KDM3A: variants seen among roughly 807,000 people sequenced by gnomAD.
The protein encoded by KDM3A is lysine-specific demethylase 3A.
In KDM3A, 60 loss-of-function variants were observed where a neutral mutation model predicts 158.0. The observed-to-expected ratio is 0.38, with a 90% CI of 0.31 to 0.47. KDM3A has a LOEUF of 0.47. KDM3A is among the 20% of genes least tolerant of loss of function. KDM3A has a pLI of 0.99. For synonymous variants in KDM3A, 608 were observed against 549.3 expected (o/e 1.11, Z -1.49); for missense variants, 1,319 against 1,574.3 (o/e 0.84, Z 2.74).
At chr2:86,451,068 C>G in intron 3 of KDM3A, 35 bp from the exon 4 acceptor site, 2 of 1,353,234 alleles carry the variant, frequency 1.5e-6, no homozygotes, top group South Asian at 2.6e-5. Context: ...ATGCTGACAG[C>G]AGTTATGATG....
chr2:86,442,425 C>T, intron 2 of KDM3A, 192 bp downstream of exon 2: 2 of 570,784 alleles, frequency 3.5e-6, no homozygotes, highest in Non-Finnish European at 6.2e-6. Flanking sequence ...GCCCACAGCT[C>T]CTGGCTGCCT....
At position 86,478,048 on chromosome 2, in the gene KDM3A, C is replaced by T; in HGVS notation, c.2092+19C>T. 2 of 1,613,888 alleles carry T rather than the reference C, an allele frequency of 1.2e-6. No individual in the cohort carries two copies. Among genetic ancestry groups the T allele is most frequent in the Non-Finnish European group, 8.5e-7 (1 of 1,179,902 alleles). ...CAACAGGGTGAGAACCGATTTGATTCTCCTCCAGCCCCTCTACACAGTTAA... is the reference window on the plus strand; with the variant it reads ...CAACAGGGTGAGAACCGATTTGATTTTCCTCCAGCCCCTCTACACAGTTAA... On this transcript the variant is annotated intron_variant, in intron 13 of 25. Transcript: ENST00000312912.
intron 2 of KDM3A, among the ~76,000 whole-genome samples, chr2:86,447,777 T>G (rs930731268): frequency 2.0e-5 from 3 of 152,224 alleles, no homozygotes; most frequent in Non-Finnish European, 4.4e-5. Context: ...GTAAAATCAT[T>G]CTAAGAGAGA....
chr2:86,477,380 G>C (rs897162098), intron 12 of KDM3A, among the ~76,000 whole-genome samples: 2 of 152,216 alleles, frequency 1.3e-5, no homozygotes, highest in African/African-American at 4.8e-5. Flanking sequence ...TGGGCAGTCT[G>C]AGTGGATGTA....
chr2:86,448,193 A>C (rs573753231), intron 2 of KDM3A, among the ~76,000 whole-genome samples: 1 of 152,256 alleles, frequency 6.6e-6, no homozygotes, highest in Non-Finnish European at 1.5e-5. Flanking sequence ...TCCTAGGTAA[A>C]GTCGCCTGGG....
intron 19 of KDM3A, 109 bp from the exon 20 acceptor site, chr2:86,484,833 C>A: frequency 1.7e-6 from 1 of 588,744 alleles, no homozygotes. Context: ...GAAAATTTTG[C>A]AGAGACATAT....
intron 9 of KDM3A, 104 bp from the exon 10 acceptor site, chr2:86,466,268 T>A: frequency 8.2e-7 from 1 of 1,214,502 alleles, no homozygotes. Context: ...TTTTCTTTTT[T>A]CTTTCATACT....
At chr2:86,490,366 A>G (rs1467774471) in intron 23 of KDM3A, 3 of 153,026 alleles carry the variant, frequency 2.0e-5, no homozygotes, top group Non-Finnish European at 4.4e-5. Flanking sequence ...GTTTGAATCA[A>G]AGTGTTTCTG....
At position 86,489,346 on chromosome 2, in the gene KDM3A, T is replaced by C. The variant is rs537830749; in HGVS notation, c.3342T>C (p.Tyr1114=). The C allele has an allele frequency of 6.8e-6, 11 of 1,613,910 alleles. No individual in the cohort carries two copies. The East Asian group carries it at 8.9e-5, about 13-fold the overall frequency. The change falls in exon 22 of 26, where the codon TAT becomes TAC. Residue 1114 remains tyrosine, a synonymous_variant. Coordinates refer to ENST00000312912, the MANE Select transcript of KDM3A (RefSeq NM_018433.6). Reference sequence around the variant, plus strand: ...TAATCACTCCTGAAGATCGGAAATATGGAACAACAAATCTTCACTTAGATG... The same window carrying C: ...TAATCACTCCTGAAGATCGGAAATACGGAACAACAAATCTTCACTTAGATG... ...YGLITPEDRK[Y]GTTNLHLDVS... is the part of the protein sequence containing the mutation.
rs555223520 is a variant in KDM3A, at chr2:86,482,444, T to C, written c.2686-14T>C. ...AATGACATATTTGAGACTTTTGTTC[T>C]TTCTCCAATTCAGACAGAAAATGGA... On this transcript the variant is annotated splice_polypyrimidine_tract_variant and intron_variant, in intron 17 of 25. Coordinates refer to ENST00000312912, the MANE Select transcript of KDM3A (RefSeq NM_018433.6). The C allele has an allele frequency of 1.2e-6, 2 of 1,610,792 alleles. No individual in the cohort carries two copies. Among genetic ancestry groups the C allele is most frequent in the Admixed American group, 3.4e-5 (2 of 59,190 alleles).
At chr2:86,482,721 C>T (rs1673997396) in intron 18 of KDM3A, 27 bp downstream of exon 18, 1 of 1,609,234 alleles carries the variant, frequency 6.2e-7, no homozygotes. Flanking sequence ...ATCCTCCTGC[C>T]CTATTCAGAA....
intron 10 of KDM3A, among the ~76,000 whole-genome samples, chr2:86,467,863 A>T (rs997650143): frequency 3.9e-5 from 6 of 152,236 alleles, no homozygotes; most frequent in East Asian, 3.9e-4. Flanking sequence ...TCCACAAAAA[A>T]TTTTTTTAAA....
intron 8 of KDM3A, among the ~76,000 whole-genome samples, chr2:86,457,417 G>A (rs1212400792): frequency 6.6e-6 from 1 of 152,172 alleles, no homozygotes; most frequent in Admixed American, 6.6e-5. Context: ...TTACAGTCAT[G>A]AGTGAGCTAC....
At position 86,451,374 on chromosome 2, in the gene KDM3A, A is replaced by G. The variant is rs144968911; in HGVS notation, c.453+161A>G. Among the ~76,000 whole-genome samples the G allele has an allele frequency of 5.6e-3, 847 of 152,260 alleles. 7 individuals are homozygous for G. The highest frequency in any genetic ancestry group is 9.3e-3 in the Non-Finnish European group (629 of 67,996). Reference sequence around the variant, plus strand: ...ATAACTTTGATTCCCTCCAAACTCTACTAATAGCTTACTGTTGACCATAAG... The same window carrying G: ...ATAACTTTGATTCCCTCCAAACTCTGCTAATAGCTTACTGTTGACCATAAG... On this transcript the variant is annotated intron_variant, in intron 4 of 25. Coordinates refer to ENST00000312912, the MANE Select transcript of KDM3A (RefSeq NM_018433.6).
rs557891558 is a variant in KDM3A at position 86,468,959 on chromosome 2, C to T, written c.1520-1245C>T. ...GCCAGGATAGAACAGATAAGATAACCTTCTTGCCTGTGATCTGTGGAAGCC... is the reference window on the plus strand; with the variant it reads ...GCCAGGATAGAACAGATAAGATAACTTTCTTGCCTGTGATCTGTGGAAGCC... On this transcript the variant is annotated intron_variant, in intron 10 of 25. Coordinates refer to ENST00000312912, the MANE Select transcript of KDM3A (RefSeq NM_018433.6). Among the ~76,000 whole-genome samples the T allele has an allele frequency of 2.0e-5, 3 of 152,274 alleles. No homozygotes were observed. The East Asian group carries it at 5.8e-4, about 29-fold the overall frequency.
chr2:86,438,030 T>C (rs545237294), upstream of KDM3A, among the ~76,000 whole-genome samples: 36 of 152,282 alleles, frequency 2.4e-4, no homozygotes, highest in Non-Finnish European at 3.7e-4. Flanking sequence ...AATGACAGCA[T>C]TGGGCATCCT....
chr2:86,441,905 C>T (rs1323978265), intron 1 of KDM3A, 113 bp from the exon 2 acceptor site: 7 of 780,112 alleles, frequency 9.0e-6, no homozygotes, highest in South Asian at 3.6e-5. Flanking sequence ...CGGGTCCGCC[C>T]GGGGCCGCGT....
At position 86,442,346 on chromosome 2, in the gene KDM3A, G is replaced by A. The variant is rs900172074; in HGVS notation, c.186+113G>A. 7 of 989,158 alleles carry A rather than the reference G, an allele frequency of 7.1e-6. No homozygotes were observed. The African/African-American group carries it at 1.1e-4, about 16-fold the overall frequency. 61.3% of individuals were successfully genotyped at this position (989,158 alleles called of 1,614,324 possible). A position where few individuals can be genotyped will look rare whatever the true frequency, so the allele number is the denominator to read the frequency against. ...AACGGAGACCAGAAAGTTGGCATAT[G>A]ATCTGAAGGTGCAGGAAGCTAGATC... On this transcript the variant is annotated intron_variant, in intron 2 of 25. Coordinates refer to ENST00000312912, the MANE Select transcript of KDM3A (RefSeq NM_018433.6).
intron 17 of KDM3A, 68 bp downstream of exon 17, chr2:86,482,170 T>C: frequency 2.0e-6 from 3 of 1,524,632 alleles, no homozygotes; most frequent in Non-Finnish European, 2.7e-6. Context: ...AGTAGAGAAG[T>C]TGGAACTGAA....
Sources: gnomAD v4.1 joint callset for allele counts (sites outside exome capture counted in the v4.1 genomes callset) on GRCh38, gnomAD v4.1.1 for gene constraint, MANE v1.5 for transcripts, NCBI Gene and HGNC (gene_info 2026-07-23, HGNC 2026-07-21) for gene names.